Variants in KLK13 observed in about 807,000 individuals in gnomAD.
KLK13 encodes kallikrein related peptidase 13.
Under a neutral mutation model 22.4 loss-of-function variants are expected in KLK13, and 19 were observed. The observed-to-expected ratio is 0.85, with a 90% CI of 0.59 to 1.24. The LOEUF is 1.24. Among genes scored for constraint, KLK13 ranks in the 50% most tolerant of loss-of-function variants. The pLI is 0.00. For synonymous variants in KLK13, 156 were observed against 141.8 expected, an observed-to-expected ratio of 1.10 and a Z score of -0.71; for missense variants, 311 against 347.9, an observed-to-expected ratio of 0.89 and a Z score of 0.84.
intron 4 of KLK13, among the ~76,000 whole-genome samples, chr19:51,057,982 C>T (rs1375107738): frequency 6.6e-6 from 1 of 152,206 alleles, no homozygotes; most frequent in African/African-American, 2.4e-5. Context: ...TAGTGAGAAT[C>T]ATGCTTAAGA....
At chr19:51,061,605 T>A (rs2091732230) in intron 1 of KLK13, among the ~76,000 whole-genome samples, 1 of 152,184 alleles carries the variant, frequency 6.6e-6, no homozygotes, top group Non-Finnish European at 1.5e-5. Context: ...TATCCAGTTA[T>A]CTCCACACTT....
At chr19:51,059,077 A>G (rs2091701537) in intron 3 of KLK13, among the ~76,000 whole-genome samples, 1 of 152,082 alleles carries the variant, frequency 6.6e-6, no homozygotes, top group Non-Finnish European at 1.5e-5. Context: ...GTTGGATAGA[A>G]TGGTAGGAAG....
Position 51,056,233 on chromosome 19 carries a change from T to C in KLK13, c.*354A>G, listed in dbSNP as rs1459667844. 8.2e-6 allele frequency: 2 copies of C among 244,392 alleles called. No individual in the cohort carries two copies. Among genetic ancestry groups the C allele is most frequent in the Non-Finnish European group, 1.6e-5 (2 of 125,908 alleles). 15.1% of individuals were successfully genotyped at this position (244,392 alleles called of 1,614,324 possible). A position where few individuals can be genotyped will look rare whatever the true frequency, so the allele number is the denominator to read the frequency against. ...TCAAGGATGGTCCATTTATAGGACA[T>C]ATATTGTTGAGATGGGCTGATGGAA... On this transcript the variant is annotated 3_prime_UTR_variant, in exon 5 of 5. Coordinates refer to ENST00000595793, the MANE Select transcript of KLK13 (RefSeq NM_015596.3).
At position 51,055,718 on chromosome 19, in the gene KLK13, T is replaced by C. The variant is rs1416540138; in HGVS notation, c.*869A>G. On this transcript the variant is annotated 3_prime_UTR_variant, in exon 5 of 5. Coordinates refer to ENST00000595793, the MANE Select transcript of KLK13 (RefSeq NM_015596.3). ...TACAGATGAGAAAGCACAGAGACTG[T>C]GAGTTTTATAACTTGTCCAAAGCAA... Among the ~76,000 whole-genome samples, 12 of 152,194 alleles carry C rather than the reference T, an allele frequency of 7.9e-5. No individual in the cohort carries two copies. The highest frequency in any genetic ancestry group is 7.9e-4 in the Admixed American group (12 of 15,264).
At position 51,056,679 on chromosome 19, in the gene KLK13, A is replaced by G; in HGVS notation, c.742T>C (p.Tyr248His). Reference protein sequence around the residue: ...PCGQPDRPGVYTRVSRYVLWI... With the variant: ...PCGQPDRPGVHTRVSRYVLWI... ...AGGACGTATCTTGAGACACGGGTGT[A>G]GACACCAGGCCGGTCAGGTTGCCCA... Residue 248 changes from tyrosine (Y) to histidine (H), a missense_variant, in exon 5 of 5, where the codon TAC (tyrosine) becomes CAC (histidine). Coordinates refer to ENST00000595793, the MANE Select transcript of KLK13 (RefSeq NM_015596.3). The G allele has an allele frequency of 6.2e-7, 1 of 1,614,200 alleles. No homozygotes were observed. Among genetic ancestry groups the G allele is most frequent in the African/African-American group, 1.3e-5 (1 of 75,060 alleles).
At chr19:51,063,950 G>T in intron 1 of KLK13, 2 of 418,570 alleles carry the variant, frequency 4.8e-6, no homozygotes, top group South Asian at 3.5e-5. Flanking sequence ...GGTGCTGAGA[G>T]CAGGGACTGT....
At chr19:51,058,710 C>G (rs200207928) in intron 3 of KLK13, 36 bp from the exon 4 acceptor site, 1 of 1,611,072 alleles carries the variant, frequency 6.2e-7, no homozygotes, top group South Asian at 1.1e-5. Context: ...AGGTATCCGA[C>G]CTGGATAGGA....
Position 51,056,671 on chromosome 19 carries a change from A to G in KLK13, c.750T>C (p.Arg250=). ...GGATCCACAGGACGTATCTTGAGACACGGGTGTAGACACCAGGCCGGTCAG... is the reference window on the plus strand; with the variant it reads ...GGATCCACAGGACGTATCTTGAGACGCGGGTGTAGACACCAGGCCGGTCAG... ...GQPDRPGVYT[R]VSRYVLWIRE... The change falls in exon 5 of 5, where the codon CGT becomes CGC. Residue 250 remains arginine, a synonymous_variant. Coordinates refer to ENST00000595793, the MANE Select transcript of KLK13 (RefSeq NM_015596.3). The G allele has an allele frequency of 6.2e-7, 1 of 1,614,212 alleles. No homozygotes were observed. Among genetic ancestry groups the G allele is most frequent in the South Asian group, 1.1e-5 (1 of 91,078 alleles).
At position 51,056,525 on chromosome 19, in the gene KLK13, G is replaced by C. The variant is rs769577022; in HGVS notation, c.*62C>G. ...CACTGGGAATAAGGAGCAGAGAAGGGCTAAGCAGACCATGTGAGGAAGTCA... is the reference window on the plus strand; with the variant it reads ...CACTGGGAATAAGGAGCAGAGAAGGCCTAAGCAGACCATGTGAGGAAGTCA... On this transcript the variant is annotated 3_prime_UTR_variant, in exon 5 of 5. Transcript: ENST00000595793. 8 of 1,518,140 alleles carry C rather than the reference G, an allele frequency of 5.3e-6. No homozygotes were observed. Among genetic ancestry groups the C allele is most frequent in the Non-Finnish European group, 7.3e-6 (8 of 1,099,434 alleles). The allele number at this position is 1,518,140 out of a possible 1,614,324, so 94.0% of individuals were successfully genotyped here. A position where few individuals can be genotyped will look rare whatever the true frequency, so the allele number is the denominator to read the frequency against.
At chr19:51,064,743 C>T (rs1319246903) in intron 1 of KLK13, 5 of 643,478 alleles carry the variant, frequency 7.8e-6, no homozygotes, top group South Asian at 7.7e-5. Context: ...TGTCTTTCAG[C>T]TTTCCAGAGA....
At position 51,055,857 on chromosome 19, in the gene KLK13, G is replaced by T. The variant is rs2736436; in HGVS notation, c.*730C>A. Among the ~76,000 whole-genome samples the T allele has an allele frequency of 5.3e-5, 8 of 151,990 alleles. No individual in the cohort carries two copies. Among genetic ancestry groups the T allele is most frequent in the Non-Finnish European group, 8.8e-5 (6 of 68,004 alleles). On this transcript the variant is annotated 3_prime_UTR_variant, in exon 5 of 5. Transcript: ENST00000595793. The stretch of plus-strand genomic sequence containing the variant: ...AATATTTGGTAGACAATAAAGTTCA[G>T]GCAAGAAGACCCTTTGGTATACTGA...
chr19:51,059,330 A>T (rs2091703906), intron 3 of KLK13, among the ~76,000 whole-genome samples: 1 of 148,012 alleles, frequency 6.8e-6, no homozygotes, highest in Non-Finnish European at 1.5e-5. Flanking sequence ...TAAACATTTT[A>T]TATGTATGAT....
rs893590641 is a variant in KLK13, at chr19:51,064,952, C to T, written c.52+64G>A. 5.6e-6 allele frequency: 8 copies of T among 1,425,596 alleles called. No individual in the cohort carries two copies. The African/African-American group carries it at 5.7e-5, about 10-fold the overall frequency. The allele number at this position is 1,425,596 out of a possible 1,614,324, so 88.3% of individuals were successfully genotyped here. ...GCGGCTCCCACGCCCCCTCCCCCTC[C>T]GGCCTGACCCCTCCTACCATTGTCC... On this transcript the variant is annotated intron_variant, in intron 1 of 4. Transcript: ENST00000595793.
At chr19:51,064,810 G>A (rs2122721385) in intron 1 of KLK13, 1 of 606,490 alleles carries the variant, frequency 1.6e-6, no homozygotes, top group South Asian at 2.0e-5. Flanking sequence ...GGGAGGTGAA[G>A]GGTCTGGGGT....
At chr19:51,062,122 A>G (rs920678640) in intron 1 of KLK13, among the ~76,000 whole-genome samples, 9 of 152,162 alleles carry the variant, frequency 5.9e-5, no homozygotes, top group African/African-American at 1.7e-4. Context: ...TTCTTAAGTC[A>G]CACCAGCCAT....
At chr19:51,065,402 C>T (rs960664875), upstream of KLK13, among the ~76,000 whole-genome samples, 23 of 152,232 alleles carry the variant, frequency 1.5e-4, no homozygotes, top group Admixed American at 1.4e-3. Context: ...CAGAGTCTGC[C>T]TTCCATTCTA....
At position 51,065,079 on chromosome 19, in the gene KLK13, C is replaced by CGGGAG. The variant is rs1201250481; in HGVS notation, c.-17_-13dup. ...GCCAGGGGCCACATGGCTCCGGGATCGGGAGGGGAGGGCAGGGCGGGCGGG... is the reference window on the plus strand; with the variant it reads ...GCCAGGGGCCACATGGCTCCGGGATCGGGAGGGGAGGGGAGGGCAGGGCGGGCGGG... On this transcript the variant is annotated 5_prime_UTR_variant, in exon 1 of 5. Transcript: ENST00000595793. 7.7e-5 allele frequency: 26 copies of CGGGAG among 336,930 alleles called. No individual in the cohort carries two copies. Among genetic ancestry groups the CGGGAG allele is most frequent in the Non-Finnish European group, 1.2e-4 (21 of 173,398 alleles). The allele number at this position is 336,930 out of a possible 1,614,324, so 20.9% of individuals were successfully genotyped here. A position where few individuals can be genotyped will look rare whatever the true frequency, so the allele number is the denominator to read the frequency against.
Position 51,055,745 on chromosome 19 carries a change from G to C in KLK13, c.*842C>G, listed in dbSNP as rs915479899. On this transcript the variant is annotated 3_prime_UTR_variant, in exon 5 of 5. Coordinates refer to ENST00000595793, the MANE Select transcript of KLK13 (RefSeq NM_015596.3). ...AGTTTTATAACTTGTCCAAAGCAAG[G>C]ATTTGCACTACATTTTAGGGTCATG... 6.6e-6 allele frequency among the ~76,000 whole-genome samples: 1 copy of C among 152,176 alleles called. No individual in the cohort carries two copies. The highest frequency in any genetic ancestry group is 1.5e-5 in the Non-Finnish European group (1 of 68,036).
chr19:51,063,571 T>C (rs2091749012), intron 1 of KLK13: 1 of 432,032 alleles, frequency 2.3e-6, no homozygotes, highest in South Asian at 1.6e-5. Context: ...ATTGGAGTAA[T>C]TACAATGCAC....
Sources: allele counts gnomAD v4.1 joint callset (sites outside exome capture counted in the v4.1 genomes callset), GRCh38; gene constraint gnomAD v4.1.1; transcripts MANE v1.5; gene names NCBI Gene and HGNC (gene_info 2026-07-23, HGNC 2026-07-21).